The following ADCY8 variants were observed in gnomAD, a reference collection of about 807,000 sequenced individuals.
ADCY8 encodes the protein adenylate cyclase type 8.
ADCY8 carries 51 observed loss-of-function variants against 119.7 expected under a neutral mutation model. That is an observed-to-expected ratio of 0.43 (90% CI 0.34 to 0.54). The LOEUF is 0.54. Among genes scored for constraint, ADCY8 ranks in the 20% least tolerant of loss-of-function variants. The pLI is 0.03. For synonymous variants in ADCY8, 665 were observed against 651.0 expected (o/e 1.02, Z -0.33); for missense variants, 1,383 against 1,598.8 (o/e 0.87, Z 2.30).
intron 1 of ADCY8, among the ~76,000 whole-genome samples, chr8:131,019,507 C>A (rs1037761619): frequency 6.6e-6 from 1 of 152,144 alleles, no homozygotes; most frequent in African/African-American, 2.4e-5. Flanking sequence ...TTTAGCCTTA[C>A]CTAGGATTTG....
intron 2 of ADCY8, among the ~76,000 whole-genome samples, chr8:130,984,976 G>A (rs1471860666): frequency 6.6e-6 from 1 of 152,134 alleles, no homozygotes; most frequent in Admixed American, 6.5e-5. Flanking sequence ...AGAGAACCAA[G>A]ACATGAACAA....
intron 2 of ADCY8, among the ~76,000 whole-genome samples, chr8:130,953,046 A>C (rs1248062907): frequency 3.9e-5 from 6 of 152,220 alleles, no homozygotes; most frequent in Admixed American, 1.3e-4. Flanking sequence ...AACTAGCAAC[A>C]TGAATTAAAT....
Position 131,040,040 on chromosome 8 carries a change from C to T in ADCY8, c.294G>A (p.Glu98=). Residue 98 remains glutamate, a synonymous_variant, in exon 1 of 18, where the codon GAG becomes GAA. Transcript: ENST00000286355. ...TGGTGCCGCAGGTGCTGTGCGCTCG[C>T]TCTCCCGGGCCCAGCGAGTAGAGGG... ...ALPLYSLGPG[E]RAHSTCGTKV... The T allele has an allele frequency of 6.5e-7, 1 of 1,548,648 alleles. No individual in the cohort carries two copies. Among genetic ancestry groups the T allele is most frequent in the East Asian group, 2.4e-5 (1 of 41,540 alleles).
intron 5 of ADCY8, among the ~76,000 whole-genome samples, chr8:130,921,933 G>A (rs1820321554): frequency 6.6e-6 from 1 of 152,136 alleles, no homozygotes; most frequent in African/African-American, 2.4e-5. Context: ...GATCATAAGG[G>A]ATCTGCCCTT....
At chr8:130,986,751 C>A (rs922438171) in intron 2 of ADCY8, among the ~76,000 whole-genome samples, 2 of 152,186 alleles carry the variant, frequency 1.3e-5, no homozygotes, top group African/African-American at 2.4e-5. Context: ...ATGCTGTTAA[C>A]ACAGATCTGT....
intron 2 of ADCY8, among the ~76,000 whole-genome samples, chr8:130,957,025 C>A (rs944829176): frequency 2.0e-5 from 3 of 152,140 alleles, no homozygotes; most frequent in Non-Finnish European, 4.4e-5. Context: ...GGGACTGGGG[C>A]GTTGCTGAAA....
At chr8:130,915,019 C>A (rs1441143745) in intron 5 of ADCY8, among the ~76,000 whole-genome samples, 1 of 152,190 alleles carries the variant, frequency 6.6e-6, no homozygotes, top group East Asian at 1.9e-4. Context: ...TTAGGACCTC[C>A]TAGTTGGGGA....
At chr8:130,982,037 T>C (rs1025196588) in intron 2 of ADCY8, among the ~76,000 whole-genome samples, 1 of 152,220 alleles carries the variant, frequency 6.6e-6, no homozygotes, top group Non-Finnish European at 1.5e-5. Context: ...AATACAGGTT[T>C]GTTTTTCTTC....
At chr8:130,928,206 G>A (rs1820529843) in intron 5 of ADCY8, among the ~76,000 whole-genome samples, 1 of 152,132 alleles carries the variant, frequency 6.6e-6, no homozygotes, top group Admixed American at 6.6e-5. Context: ...CAAGTAGCTA[G>A]GACTATAGGC....
intron 8 of ADCY8, among the ~76,000 whole-genome samples, chr8:130,875,437 A>C (rs1051816350): frequency 6.6e-6 from 1 of 152,198 alleles, no homozygotes; most frequent in African/African-American, 2.4e-5. Flanking sequence ...ATGAAAGAGA[A>C]AAGCTGAGAC....
At chr8:130,873,747 G>A (rs1818451255) in intron 8 of ADCY8, among the ~76,000 whole-genome samples, 2 of 152,212 alleles carry the variant, frequency 1.3e-5, no homozygotes, top group South Asian at 2.1e-4. Flanking sequence ...TCAGGTATAA[G>A]CTGTTAACTC....
intron 5 of ADCY8, among the ~76,000 whole-genome samples, chr8:130,915,143 T>G (rs964557795): frequency 2.0e-5 from 3 of 152,226 alleles, no homozygotes; most frequent in Non-Finnish European, 4.4e-5. Context: ...TAATTATCAT[T>G]ATTATTTTTG....
chr8:130,995,701 T>C (rs1822751699), intron 1 of ADCY8, among the ~76,000 whole-genome samples: 1 of 152,180 alleles, frequency 6.6e-6, no homozygotes, highest in Non-Finnish European at 1.5e-5. Flanking sequence ...TATCCTTCTG[T>C]TCTTGGCTTT....
At chr8:131,020,832 G>A (rs1823643036) in intron 1 of ADCY8, among the ~76,000 whole-genome samples, 1 of 152,164 alleles carries the variant, frequency 6.6e-6, no homozygotes, top group Non-Finnish European at 1.5e-5. Context: ...GAAGGTATCA[G>A]TTTCTTCCCT....
At chr8:130,807,166 C>T (rs984249651) in intron 14 of ADCY8, among the ~76,000 whole-genome samples, 2 of 152,212 alleles carry the variant, frequency 1.3e-5, no homozygotes, top group Admixed American at 1.3e-4. Context: ...AGTATGAGGA[C>T]TGACGTCCTC....
Position 130,780,371 on chromosome 8 carries a change from A to C in ADCY8, c.*19T>G, listed in dbSNP as rs78935247. 7.1e-7 allele frequency: 1 copy of C among 1,404,842 alleles called. No individual in the cohort carries two copies. The highest frequency in any genetic ancestry group is 2.1e-5 in the South Asian group (1 of 48,276). 87.0% of individuals were successfully genotyped at this position (1,404,842 alleles called of 1,614,324 possible). A position where few individuals can be genotyped will look rare whatever the true frequency, so the allele number is the denominator to read the frequency against. On this transcript the variant is annotated 3_prime_UTR_variant, in exon 18 of 18. Transcript: ENST00000286355. Reference sequence around the variant, plus strand: ...TATATAAAAGAAATACAAAAAAAAAAAACAGAAAGAAAATGCTTTTATGGC... The same window carrying C: ...TATATAAAAGAAATACAAAAAAAAACAACAGAAAGAAAATGCTTTTATGGC...
intron 11 of ADCY8, among the ~76,000 whole-genome samples, chr8:130,841,215 T>C (rs574288963): frequency 2.7e-4 from 41 of 152,266 alleles, no homozygotes; most frequent in South Asian, 4.1e-4. Flanking sequence ...GTGAATGTCT[T>C]TGAATGACTT....
chr8:130,947,317 G>C (rs1013240099), intron 3 of ADCY8, among the ~76,000 whole-genome samples: 1 of 152,186 alleles, frequency 6.6e-6, no homozygotes, highest in African/African-American at 2.4e-5. Context: ...TCTTGGGAAA[G>C]TTACTTAACC....
intron 14 of ADCY8, among the ~76,000 whole-genome samples, chr8:130,810,320 G>T (rs1816121707): frequency 6.7e-6 from 1 of 148,950 alleles, no homozygotes; most frequent in Non-Finnish European, 1.5e-5. Context: ...TTCACATATT[G>T]TATGACTCTG....
Sources: allele counts gnomAD v4.1 joint callset (sites outside exome capture counted in the v4.1 genomes callset), GRCh38; gene constraint gnomAD v4.1.1; transcripts MANE v1.5; gene names NCBI Gene and HGNC (gene_info 2026-07-23, HGNC 2026-07-21).